The following MARCO variants were observed in gnomAD, a reference collection of about 807,000 sequenced individuals.
The protein encoded by MARCO is macrophage receptor with collagenous structure.
A neutral mutation model predicts 70.0 loss-of-function variants in MARCO; 72 were observed. The observed-to-expected ratio is 1.03, with a 90% CI of 0.85 to 1.25. The LOEUF (loss-of-function observed/expected upper bound fraction) is 1.25, where lower values mean the gene tolerates loss of function less well. MARCO is among the 50% of genes most tolerant of loss of function. MARCO has a pLI of 0.00. For missense variants in MARCO, 696 were observed against 659.3 expected (o/e 1.06, Z -0.61); for synonymous variants, 273 against 243.1 (o/e 1.12, Z -1.14).
At position 118,994,435 on chromosome 2, in the gene MARCO, G is replaced by A. The variant is rs759426830; in HGVS notation, c.1478G>A (p.Ser493Asn). ...AATGTTCAGTGTCGGGGCACGGAGA[G>A]TACCCTGTGGAGCTGCACCAAGAAT... ...LDNVQCRGTE[S>N]TLWSCTKNSW... Residue 493 changes from serine (S) to asparagine (N), a missense_variant, in exon 17 of 17, where the codon AGT becomes AAT. By Grantham distance (46) the Ser-to-Asn change is conservative. Around this residue, in one of 3 missense-constraint regions of MARCO, gnomAD observed 58 missense variants for 62.1 expected, o/e 0.93. Transcript: ENST00000327097. 2 of 1,614,134 alleles carry A rather than the reference G, an allele frequency of 1.2e-6. No individual in the cohort carries two copies. Among genetic ancestry groups the A allele is most frequent in the African/African-American group, 1.3e-5 (1 of 75,054 alleles).
chr2:118,974,583 A>G lies in MARCO; in HGVS notation c.613+18A>G. On this transcript the variant is annotated intron_variant, in intron 6 of 16. Transcript: ENST00000327097. ...AGAGGCGGGTGAGTAGGTGCTGGGT[A>G]TGTACCCAGAAATACACAGCAAGTT... is the stretch of plus-strand genomic sequence containing the variant. The G allele has an allele frequency of 2.5e-6, 4 of 1,609,510 alleles. No individual in the cohort carries two copies. Among genetic ancestry groups the G allele is most frequent in the Non-Finnish European group, 3.4e-6 (4 of 1,178,428 alleles).
chr2:118,948,652 C>T (rs1270750655), intron 1 of MARCO, among the ~76,000 whole-genome samples: 3 of 152,212 alleles, frequency 2.0e-5, no homozygotes, highest in Non-Finnish European at 2.9e-5. Flanking sequence ...ACAATCCCTC[C>T]TCTTTTACTT....
At chr2:118,969,506 G>A (rs1215456242) in intron 2 of MARCO, among the ~76,000 whole-genome samples, 2 of 152,228 alleles carry the variant, frequency 1.3e-5, no homozygotes, top group Admixed American at 6.5e-5. Flanking sequence ...GAGCCTATGT[G>A]TCTAAGCAGT....
At chr2:118,992,192 G>A (rs1487883429) in intron 14 of MARCO, among the ~76,000 whole-genome samples, 2 of 152,144 alleles carry the variant, frequency 1.3e-5, no homozygotes, top group African/African-American at 4.8e-5. Flanking sequence ...TCTCTGACCA[G>A]ACCAAGCATC....
chr2:118,990,717 A>G, intron 13 of MARCO, 84 bp downstream of exon 13: 2 of 1,343,868 alleles, frequency 1.5e-6, no homozygotes, highest in Non-Finnish European at 2.1e-6. Context: ...GTTGACATTG[A>G]ATGCACAGCT....
intron 12 of MARCO, among the ~76,000 whole-genome samples, chr2:118,984,720 A>G (rs963150448): frequency 2.6e-5 from 4 of 152,190 alleles, no homozygotes; most frequent in East Asian, 1.9e-4. Context: ...AGATTTGACA[A>G]CTTCTGAAGT....
chr2:118,955,367 A>C (rs951866333), intron 1 of MARCO, among the ~76,000 whole-genome samples: 3 of 152,166 alleles, frequency 2.0e-5, no homozygotes, highest in African/African-American at 7.2e-5. Flanking sequence ...GAGCTCAAAG[A>C]CAAGGTCTTT....
At chr2:118,947,211 C>T (rs756442575) in intron 1 of MARCO, among the ~76,000 whole-genome samples, 2 of 152,134 alleles carry the variant, frequency 1.3e-5, no homozygotes, top group African/African-American at 2.4e-5. Context: ...ATTATGCTTT[C>T]GGTGTCAAGT....
intron 3 of MARCO, among the ~76,000 whole-genome samples, chr2:118,970,888 G>T (rs1165508598): frequency 6.6e-6 from 1 of 152,192 alleles, no homozygotes; most frequent in Non-Finnish European, 1.5e-5. Flanking sequence ...CTGTTGTAGG[G>T]TTTACCCCGT....
At chr2:118,945,597 G>C (rs991104655) in intron 1 of MARCO, among the ~76,000 whole-genome samples, 1 of 151,844 alleles carries the variant, frequency 6.6e-6, no homozygotes, top group African/African-American at 2.4e-5. Flanking sequence ...ATTTTTAGTA[G>C]AGACGGGGTT....
intron 12 of MARCO, 30 bp from the exon 13 acceptor site, chr2:118,990,559 T>TCCC (rs3835093): frequency 4.6e-6 from 6 of 1,308,812 alleles, no homozygotes; most frequent in Non-Finnish European, 6.5e-6. Flanking sequence ...TATTATCTCC[T>TCCC]CCCCCCCCCC....
chr2:118,962,350 G>T (rs1019096752), intron 1 of MARCO, among the ~76,000 whole-genome samples: 1 of 152,124 alleles, frequency 6.6e-6, no homozygotes, highest in African/African-American at 2.4e-5. Context: ...CTATTTATGA[G>T]TATGAAATGT....
chr2:118,991,351 C>T (rs75061389), intron 13 of MARCO, among the ~76,000 whole-genome samples: 3,876 of 151,842 alleles, frequency 0.026, 83 homozygotes, highest in African/African-American at 0.057. Context: ...TAGCCTTGGC[C>T]TCCCGGGATC....
At chr2:118,971,988 G>A (rs1373480676) in intron 4 of MARCO, among the ~76,000 whole-genome samples, 1 of 152,214 alleles carries the variant, frequency 6.6e-6, no homozygotes, top group Non-Finnish European at 1.5e-5. Flanking sequence ...GGAGGCGCAG[G>A]CTGTGCGGTC....
At chr2:118,964,710 A>G (rs1178420459) in intron 1 of MARCO, among the ~76,000 whole-genome samples, 1 of 151,994 alleles carries the variant, frequency 6.6e-6, no homozygotes, top group Non-Finnish European at 1.5e-5. Flanking sequence ...CATCATAGTG[A>G]AACCCTGTCT....
intron 1 of MARCO, among the ~76,000 whole-genome samples, chr2:118,950,601 A>T (rs1837287): frequency 0.17 from 26,115 of 152,118 alleles, 3,035 homozygotes; most frequent in African/African-American, 0.33. Context: ...AGGCCTAATT[A>T]CTTTTAAGTT....
intron 1 of MARCO, among the ~76,000 whole-genome samples, chr2:118,946,015 C>T (rs1043399264): frequency 6.6e-6 from 1 of 152,170 alleles, no homozygotes; most frequent in Non-Finnish European, 1.5e-5. Context: ...TGACTTTGCT[C>T]TTCATCATGC....
chr2:118,984,607 TG>T (rs1165478085), intron 12 of MARCO, among the ~76,000 whole-genome samples: 3 of 152,248 alleles, frequency 2.0e-5, no homozygotes, highest in Non-Finnish European at 4.4e-5. Flanking sequence ...ACAGTCCACA[TG>T]GACATCTCAG....
At chr2:118,963,453 A>G (rs1218040702) in intron 1 of MARCO, among the ~76,000 whole-genome samples, 2 of 151,954 alleles carry the variant, frequency 1.3e-5, no homozygotes, top group Non-Finnish European at 2.9e-5. Flanking sequence ...CAAATAAGGT[A>G]TTCTGTATGA....
Sources: allele counts gnomAD v4.1 joint callset (sites outside exome capture counted in the v4.1 genomes callset), GRCh38; gene constraint gnomAD v4.1.1; regional missense constraint gnomAD v4.1.1; transcripts MANE v1.5; gene names NCBI Gene and HGNC (gene_info 2026-07-23, HGNC 2026-07-21).